Variants in P4HA1 observed in about 807,000 individuals in gnomAD.
The protein encoded by P4HA1 is prolyl 4-hydroxylase subunit alpha-1.
In P4HA1, 24 loss-of-function variants were observed where a neutral mutation model predicts 72.8. The observed-to-expected ratio is 0.33, with a 90% CI of 0.24 to 0.46. The LOEUF is 0.46. Ranked by LOEUF, P4HA1 falls within the 20% of genes least tolerant of loss-of-function variation. P4HA1 has a pLI of 1.00. For missense variants in P4HA1, 446 were observed against 640.6 expected (o/e 0.70, Z 3.28); for synonymous variants, 201 against 218.8 (o/e 0.92, Z 0.72).
chr10:73,075,433 C>T (rs982359372), intron 1 of P4HA1, among the ~76,000 whole-genome samples: 5 of 152,096 alleles, frequency 3.3e-5, no homozygotes, highest in African/African-American at 1.2e-4. Flanking sequence ...TGTTTGTTAT[C>T]ACCTGATAAT....
At chr10:73,080,607 G>A (rs752027556) in intron 1 of P4HA1, among the ~76,000 whole-genome samples, 1 of 152,096 alleles carries the variant, frequency 6.6e-6, no homozygotes, top group African/African-American at 2.4e-5. Context: ...ATAGCCAAAC[G>A]TATCAATCAC....
rs541727150 is a variant in P4HA1 at position 73,049,785 on chromosome 10, A to G, written c.900+1268T>C. ...CTAAGCAATCTTGTGAAGATTAACT[A>G]GGAGCAAAACTACAAGGGATTATTG... On this transcript the variant is annotated intron_variant, in intron 7 of 14. Transcript: ENST00000394890. 4.6e-5 allele frequency among the ~76,000 whole-genome samples: 7 copies of G among 152,370 alleles called. No individual in the cohort carries two copies. In the East Asian group the frequency reaches 1.4e-3, roughly 29 times the overall value.
intron 9 of P4HA1, chr10:73,043,838 G>T: frequency 7.4e-7 from 1 of 1,356,602 alleles, no homozygotes; most frequent in Non-Finnish European, 1.1e-6. Context: ...AGATTCCCAA[G>T]AAAGAAATGG....
At chr10:73,031,117 A>G (rs1404202052) in intron 9 of P4HA1, among the ~76,000 whole-genome samples, 1 of 152,248 alleles carries the variant, frequency 6.6e-6, no homozygotes, top group Admixed American at 6.5e-5. Context: ...CTACCCAAAT[A>G]TCCATCAATT....
Position 73,051,910 on chromosome 10 carries a change from G to C in P4HA1, c.704-661C>G, listed in dbSNP as rs563057956. On this transcript the variant is annotated intron_variant, in intron 6 of 14. Coordinates refer to ENST00000394890, the MANE Select transcript of P4HA1 (RefSeq NM_001017962.3). ...ATCTTACTCATCCTACTTATTTTAAGAAATGAAAAAGATTTTTCCAAGACA... is the reference window on the plus strand; with the variant it reads ...ATCTTACTCATCCTACTTATTTTAACAAATGAAAAAGATTTTTCCAAGACA... Among the ~76,000 whole-genome samples the C allele has an allele frequency of 3.8e-4, 58 of 152,210 alleles. 1 individual carries two copies. The South Asian group carries it at 0.012, about 31-fold the overall frequency.
intron 9 of P4HA1, among the ~76,000 whole-genome samples, chr10:73,044,175 A>C (rs565042039): frequency 2.0e-5 from 3 of 152,314 alleles, no homozygotes; most frequent in African/African-American, 7.2e-5. Flanking sequence ...TTTGTTGTAG[A>C]TTTATTGTCC....
chr10:73,008,317 A>C, intron 14 of P4HA1, 25 bp from the exon 15 acceptor site: 7 of 1,367,782 alleles, frequency 5.1e-6, no homozygotes, highest in South Asian at 1.2e-5. Flanking sequence ...TAATATATTA[A>C]TTTTCCCCCT....
chr10:73,095,311 C>G (rs868708093), intron 1 of P4HA1, among the ~76,000 whole-genome samples: 1 of 148,714 alleles, frequency 6.7e-6, no homozygotes, highest in Non-Finnish European at 1.5e-5. Context: ...AGGTTGTTCA[C>G]TTTCAGCTTC....
intron 5 of P4HA1, among the ~76,000 whole-genome samples, chr10:73,067,422 A>G (rs1235726954): frequency 1.3e-5 from 2 of 152,150 alleles, no homozygotes; most frequent in Non-Finnish European, 2.9e-5. Context: ...ATAGCTCCGC[A>G]CTGCACTCAG....
chr10:73,045,164 A>C, intron 8 of P4HA1, 113 bp from the exon 9 acceptor site: 1 of 745,100 alleles, frequency 1.3e-6, no homozygotes, highest in Non-Finnish European at 2.2e-6. Flanking sequence ...AGAGAAAATA[A>C]CTCCATACAC....
intron 9 of P4HA1, among the ~76,000 whole-genome samples, chr10:73,040,940 G>A (rs920606157): frequency 2.6e-5 from 4 of 151,928 alleles, no homozygotes; most frequent in Non-Finnish European, 4.4e-5. Context: ...TATGAATTAG[G>A]TTCTGTAATA....
chr10:73,046,121 G>C (rs1840856804), intron 8 of P4HA1, among the ~76,000 whole-genome samples: 1 of 152,078 alleles, frequency 6.6e-6, no homozygotes. Context: ...GAACTAAATA[G>C]TCATGACAGA....
At chr10:73,050,286 G>GC (rs1176547631) in intron 7 of P4HA1, among the ~76,000 whole-genome samples, 4 of 151,420 alleles carry the variant, frequency 2.6e-5, no homozygotes, top group African/African-American at 9.7e-5. Context: ...AGGTAATATT[G>GC]CCCCAAACAT....
intron 10 of P4HA1, among the ~76,000 whole-genome samples, chr10:73,027,623 AAAG>A: frequency 9.3e-6 from 1 of 107,292 alleles, no homozygotes; most frequent in South Asian, 3.8e-4. Flanking sequence ...GGAAGGAAGG[AAAG>A]AAGGGAGTCA....
intron 9 of P4HA1, among the ~76,000 whole-genome samples, chr10:73,041,548 CAA>C (rs774231072): frequency 1.9e-4 from 21 of 110,236 alleles, no homozygotes; most frequent in Admixed American, 2.7e-4. Context: ...ATCCCCCCCC[CAA>C]AAAAAAAAAA....
At chr10:73,052,190 G>GAAA in intron 6 of P4HA1, among the ~76,000 whole-genome samples, 1 of 127,726 alleles carries the variant, frequency 7.8e-6, no homozygotes. Context: ...CATCTGAGAG[G>GAAA]AAAAAAAAAA....
At chr10:73,096,162 G>A (rs1564641820) in intron 1 of P4HA1, among the ~76,000 whole-genome samples, 1 of 152,216 alleles carries the variant, frequency 6.6e-6, no homozygotes, top group Non-Finnish European at 1.5e-5. Flanking sequence ...GGCGCCCCGG[G>A]CTACGTCTGG....
chr10:73,018,224 T>C (rs1840053172), intron 10 of P4HA1, among the ~76,000 whole-genome samples: 1 of 152,012 alleles, frequency 6.6e-6, no homozygotes, highest in Admixed American at 6.6e-5. Flanking sequence ...TCCCATGAGA[T>C]GTCTGGGCCA....
At chr10:73,083,170 C>T (rs561809614) in intron 1 of P4HA1, among the ~76,000 whole-genome samples, 1 of 152,234 alleles carries the variant, frequency 6.6e-6, no homozygotes, top group East Asian at 1.9e-4. Context: ...TATTTCTGTT[C>T]TTCCCTATAA....
Sources: allele counts gnomAD v4.1 joint callset (sites outside exome capture counted in the v4.1 genomes callset), GRCh38; gene constraint gnomAD v4.1.1; transcripts MANE v1.5; gene names NCBI Gene and HGNC (gene_info 2026-07-23, HGNC 2026-07-21).